FAM149A: variants seen among roughly 807,000 people sequenced by gnomAD.
FAM149A encodes family with sequence similarity 149 member A.
FAM149A carries 71 observed loss-of-function variants against 78.2 expected under a neutral mutation model. The ratio of observed to expected loss-of-function variants is 0.91; its 90% confidence interval spans 0.75 to 1.11. The LOEUF (loss-of-function observed/expected upper bound fraction) is 1.11, where lower values mean the gene tolerates loss of function less well. FAM149A is among the 50% of genes least tolerant of loss of function. FAM149A has a pLI of 0.00. For synonymous variants in FAM149A, 446 were observed against 410.5 expected, an observed-to-expected ratio of 1.09 and a Z score of -1.04; for missense variants, 1,036 against 971.0, an observed-to-expected ratio of 1.07 and a Z score of -0.89.
chr4:186,145,071 C>T (rs1732915952), intron 1 of FAM149A: 2 of 984,890 alleles, frequency 2.0e-6, no homozygotes, highest in Non-Finnish European at 2.4e-6. Context: ...CGGAGCCTGG[C>T]GCGGGGGCTG....
intron 1 of FAM149A, among the ~76,000 whole-genome samples, chr4:186,128,473 TA>T (rs565736202): frequency 2.0e-4 from 29 of 144,788 alleles, no homozygotes; most frequent in Admixed American, 2.8e-4. Flanking sequence ...CTAAATATTA[TA>T]AAAAAAAAAA....
chr4:186,105,538 C>A lies in FAM149A; in HGVS notation c.462C>A (p.Leu154=). ...AGCCTGGCCCCGGAGAGCGAGAGCTCGGCGCCTGCGTGGCCCCCGGGGCTG... is the reference window on the plus strand; with the variant it reads ...AGCCTGGCCCCGGAGAGCGAGAGCTAGGCGCCTGCGTGGCCCCCGGGGCTG... Residue 154 remains leucine, a synonymous_variant, in exon 1 of 14, where the codon CTC becomes CTA. Transcript: ENST00000389354. The A allele has an allele frequency of 8.8e-7, 1 of 1,139,732 alleles. No individual in the cohort carries two copies. The highest frequency in any genetic ancestry group is 1.1e-6 in the Non-Finnish European group (1 of 922,646). The allele number at this position is 1,139,732 out of a possible 1,614,324, so 70.6% of individuals were successfully genotyped here.
At chr4:186,127,225 C>G (rs1177693525) in intron 1 of FAM149A, 2 of 964,642 alleles carry the variant, frequency 2.1e-6, no homozygotes, top group Non-Finnish European at 2.5e-6. Flanking sequence ...CAAGGAGGAA[C>G]TATTTTCACC....
chr4:186,119,265 T>C (rs1393213498), intron 1 of FAM149A, among the ~76,000 whole-genome samples: 3 of 152,222 alleles, frequency 2.0e-5, no homozygotes, highest in Non-Finnish European at 4.4e-5. Flanking sequence ...CACCATGTAC[T>C]ACGTAGTACT....
At chr4:186,128,191 G>A (rs141733651) in intron 1 of FAM149A, among the ~76,000 whole-genome samples, 272 of 152,026 alleles carry the variant, frequency 1.8e-3, no homozygotes, top group African/African-American at 6.4e-3. Flanking sequence ...GCTTCACCAT[G>A]TTAGCCAGGC....
chr4:186,131,970 C>A (rs2099320917), intron 1 of FAM149A: 9 of 985,244 alleles, frequency 9.1e-6, no homozygotes, highest in Non-Finnish European at 1.1e-5. Context: ...GGAAAAAATT[C>A]TTTTGTATTT....
Position 186,141,180 on chromosome 4 carries a change from G to A in FAM149A, c.567-7993G>A, listed in dbSNP as rs140620759. On this transcript the variant is annotated intron_variant, in intron 1 of 13. Coordinates refer to ENST00000389354, the MANE Select transcript of FAM149A (RefSeq NM_001367768.3). Reference sequence around the variant, plus strand: ...GTCTGTTCATGTCCTCTGCCCACTTGTTTATGGGTTGTTTTTTTCTTGCAA... The same window carrying A: ...GTCTGTTCATGTCCTCTGCCCACTTATTTATGGGTTGTTTTTTTCTTGCAA... Among the ~76,000 whole-genome samples the A allele has an allele frequency of 1.0e-3, 158 of 152,228 alleles. 1 individual carries two copies. In the Middle Eastern group the frequency reaches 0.014, roughly 13 times the overall value.
Position 186,154,499 on chromosome 4 carries a change from G to C in FAM149A, c.1090G>C (p.Ala364Pro), listed in dbSNP as rs748557446. ...CATTTCTGGCTCTCAAATAGTCCCA[G>C]CAGCACTCTCAGCCTCTGCCCTGCC... The change falls in exon 6 of 14, where the codon GCA becomes CCA. Residue 364 changes from alanine (A) to proline (P), a missense_variant. Physicochemically the swap from Ala to Pro is conservative, Grantham distance 27. Transcript: ENST00000389354. 2 of 1,613,902 alleles carry C rather than the reference G, an allele frequency of 1.2e-6. No individual in the cohort carries two copies. Among genetic ancestry groups the C allele is most frequent in the Non-Finnish European group, 1.7e-6 (2 of 1,179,894 alleles).
chr4:186,156,037 G>C lies in FAM149A; in HGVS notation c.1267G>C (p.Gly423Arg). The C allele has an allele frequency of 2.5e-6, 4 of 1,613,728 alleles. No individual in the cohort carries two copies. In the South Asian group the frequency reaches 3.3e-5, roughly 13 times the overall value. ...TCTTGAACAAAAACCAGCTCAGCCC[G>C]GTAGGAAATGGCGCAAACTCGGACT... Residue 423 changes from glycine (G) to arginine (R), a missense_variant, in exon 7 of 14, where the codon GGT becomes CGT. Gly to Arg is a moderately radical substitution (Grantham distance 125). Around this residue, in one of 3 missense-constraint regions of FAM149A, gnomAD observed 716 missense variants for 711.8 expected, o/e 1.01. Transcript: ENST00000389354.
rs2099308190 is a variant in FAM149A at position 186,104,999 on chromosome 4, G to A, written c.-78G>A. The A allele has an allele frequency of 3.2e-6, 4 of 1,234,048 alleles. No homozygotes were observed. The highest frequency in any genetic ancestry group is 4.1e-6 in the Non-Finnish European group (4 of 964,684). The allele number at this position is 1,234,048 out of a possible 1,614,324, so 76.4% of individuals were successfully genotyped here. ...GCGGGGACCTCAGGCTCCTCGCCCC[G>A]GCCCGGGCCGCCTCGGCCGGATCTC... On this transcript the variant is annotated 5_prime_UTR_variant, in exon 1 of 14. Transcript: ENST00000389354.
chr4:186,167,533 T>C (rs1001399564), intron 13 of FAM149A: 7 of 454,328 alleles, frequency 1.5e-5, no homozygotes, highest in Non-Finnish European at 2.8e-5. Flanking sequence ...AAAAAAAAAA[T>C]GCTGTCTTAG....
intron 8 of FAM149A, among the ~76,000 whole-genome samples, chr4:186,160,469 A>G (rs1734491017): frequency 6.9e-6 from 1 of 145,732 alleles, no homozygotes; most frequent in Non-Finnish European, 1.5e-5. Flanking sequence ...CACACACCAT[A>G]CACCACACAC....
At chr4:186,162,810 CTTTTTTTT>C (rs56973296) in intron 8 of FAM149A, 27 bp from the exon 9 acceptor site, 19 of 563,058 alleles carry the variant, frequency 3.4e-5, no homozygotes, top group African/African-American at 7.6e-5. Flanking sequence ...ATTTGTAATT[CTTTTTTTT>C]TTTTTTTTTT....
intron 7 of FAM149A, among the ~76,000 whole-genome samples, chr4:186,156,468 G>A (rs1158827610): frequency 1.3e-5 from 2 of 152,192 alleles, no homozygotes; most frequent in Admixed American, 6.5e-5. Flanking sequence ...GAGGTCAGGA[G>A]TTCAAGACCA....
At chr4:186,158,231 C>T (rs1056252466) in intron 8 of FAM149A, 1 of 1,260,956 alleles carries the variant, frequency 7.9e-7, no homozygotes, top group Non-Finnish European at 1.0e-6. Context: ...TCGCCAGACC[C>T]AGGCAGCCTT....
intron 8 of FAM149A, among the ~76,000 whole-genome samples, chr4:186,161,660 A>G (rs926997374): frequency 6.6e-6 from 1 of 152,248 alleles, no homozygotes. Flanking sequence ...CATTTTTTAA[A>G]TAGCTGTTTT....
intron 1 of FAM149A, among the ~76,000 whole-genome samples, chr4:186,140,888 G>T (rs1176516524): frequency 6.6e-6 from 1 of 152,224 alleles, no homozygotes; most frequent in African/African-American, 2.4e-5. Flanking sequence ...TGTATAAAGA[G>T]ATTTATTACA....
chr4:186,149,222 A>G lies in FAM149A; in HGVS notation c.616A>G (p.Lys206Glu), dbSNP rs1217280840. The change falls in exon 2 of 14, where the codon AAA becomes GAA. Residue 206 changes from lysine (K) to glutamate (E), a missense_variant. Physicochemically the swap from Lys to Glu is moderately conservative, Grantham distance 56. Around this residue, in one of 3 missense-constraint regions of FAM149A, gnomAD observed 716 missense variants for 711.8 expected, o/e 1.01. Coordinates refer to ENST00000389354, the MANE Select transcript of FAM149A (RefSeq NM_001367768.3). Reference sequence around the variant, plus strand: ...AAGGCACGGTTTTACTGTGAGGAGCAAAGATTCTTTACCTACGCATTTTAC... The same window carrying G: ...AAGGCACGGTTTTACTGTGAGGAGCGAAGATTCTTTACCTACGCATTTTAC... 7.8e-7 allele frequency: 1 copy of G among 1,289,538 alleles called. No individual in the cohort carries two copies. The highest frequency in any genetic ancestry group is 5.6e-5 in the East Asian group (1 of 18,016). The allele number at this position is 1,289,538 out of a possible 1,614,324, so 79.9% of individuals were successfully genotyped here.
At chr4:186,171,455 G>C (rs527441435) in intron 13 of FAM149A, among the ~76,000 whole-genome samples, 1 of 152,032 alleles carries the variant, frequency 6.6e-6, no homozygotes, top group Non-Finnish European at 1.5e-5. Flanking sequence ...CTACCTTTGC[G>C]TCCAGGTCAA....
Sources: gnomAD v4.1 joint callset for allele counts (sites outside exome capture counted in the v4.1 genomes callset) on GRCh38, gnomAD v4.1.1 for gene constraint, gnomAD v4.1.1 regional missense constraint, MANE v1.5 for transcripts, NCBI Gene and HGNC (gene_info 2026-07-23, HGNC 2026-07-21) for gene names.